Variants in UVRAG observed in about 807,000 individuals in gnomAD.
The protein encoded by UVRAG is UV radiation resistance-associated gene protein.
UVRAG carries 19 observed loss-of-function variants against 78.0 expected under a neutral mutation model. That is an observed-to-expected ratio of 0.24 (90% CI 0.17 to 0.36). The LOEUF (loss-of-function observed/expected upper bound fraction) is 0.36, where lower values mean the gene tolerates loss of function less well. Ranked by LOEUF, UVRAG falls within the 10% of genes least tolerant of loss-of-function variation. UVRAG has a pLI of 1.00. For synonymous variants in UVRAG, 323 were observed against 324.6 expected (o/e 1.00, Z 0.05); for missense variants, 740 against 853.8 (o/e 0.87, Z 1.66).
At chr11:75,949,714 T>TATATATATAC (rs59607906) in intron 6 of UVRAG, among the ~76,000 whole-genome samples, 1 of 136,870 alleles carries the variant, frequency 7.3e-6, no homozygotes, top group African/African-American at 2.9e-5. Flanking sequence ...TATATATATA[T>TATATATATAC]ACACACACAC....
chr11:75,918,193 C>T (rs1303553678), intron 6 of UVRAG, among the ~76,000 whole-genome samples: 1 of 144,038 alleles, frequency 6.9e-6, no homozygotes, highest in Non-Finnish European at 1.5e-5. Flanking sequence ...AGTGAAACCC[C>T]TTCTCTACTA....
intron 12 of UVRAG, among the ~76,000 whole-genome samples, chr11:76,056,038 C>A (rs957854570): frequency 3.3e-5 from 5 of 152,202 alleles, no homozygotes; most frequent in African/African-American, 1.2e-4. Flanking sequence ...ATGAACTATT[C>A]TGAGTTCCAT....
chr11:75,829,739 A>G (rs916334040), intron 1 of UVRAG, among the ~76,000 whole-genome samples: 1 of 152,270 alleles, frequency 6.6e-6, no homozygotes, highest in Non-Finnish European at 1.5e-5. Context: ...GTGCAGAAAC[A>G]GCCCTATACT....
At chr11:75,841,676 A>G (rs565840849) in intron 1 of UVRAG, among the ~76,000 whole-genome samples, 1 of 152,334 alleles carries the variant, frequency 6.6e-6, no homozygotes, top group Non-Finnish European at 1.5e-5. Flanking sequence ...ATGCTTGGTA[A>G]AATTTTATAT....
chr11:75,842,286 T>C (rs1231613047), intron 1 of UVRAG, among the ~76,000 whole-genome samples: 6 of 152,244 alleles, frequency 3.9e-5, no homozygotes, highest in East Asian at 1.9e-4. Flanking sequence ...ATGGGATGTA[T>C]TGGGGCAACC....
intron 12 of UVRAG, among the ~76,000 whole-genome samples, chr11:76,029,952 C>A (rs1950403159): frequency 6.6e-6 from 1 of 152,208 alleles, no homozygotes; most frequent in Non-Finnish European, 1.5e-5. Flanking sequence ...GTAGGCAAGA[C>A]CCTCCACCAG....
Position 75,852,525 on chromosome 11 carries a change from A to G in UVRAG, c.235+525A>G, listed in dbSNP as rs554924452. Among the ~76,000 whole-genome samples the G allele has an allele frequency of 7.9e-5, 12 of 152,284 alleles. No homozygotes were observed. The East Asian group carries it at 2.1e-3, about 27-fold the overall frequency. The stretch of plus-strand genomic sequence containing the variant: ...TTGATTAAAAATGGCAACCACCTTC[A>G]GAATGCATATTAGATGAGAGGCACT... On this transcript the variant is annotated intron_variant, in intron 2 of 14. Coordinates refer to ENST00000356136, the MANE Select transcript of UVRAG (RefSeq NM_003369.4).
chr11:75,877,866 A>C (rs1216408192), intron 3 of UVRAG, among the ~76,000 whole-genome samples: 25 of 85,708 alleles, frequency 2.9e-4, no homozygotes, highest in South Asian at 4.2e-4. Flanking sequence ...CGGGGGGCTG[A>C]CCCCCCCACC....
intron 12 of UVRAG, among the ~76,000 whole-genome samples, chr11:76,029,485 C>A (rs889042353): frequency 1.3e-5 from 2 of 152,086 alleles, no homozygotes; most frequent in African/African-American, 2.4e-5. Flanking sequence ...TCAGAATATT[C>A]ATGATTCATG....
At chr11:76,025,384 G>C (rs1284682253) in intron 12 of UVRAG, among the ~76,000 whole-genome samples, 2 of 152,310 alleles carry the variant, frequency 1.3e-5, no homozygotes, top group East Asian at 3.9e-4. Flanking sequence ...CCATGAGTTA[G>C]GACCTAGCTG....
intron 14 of UVRAG, among the ~76,000 whole-genome samples, chr11:76,132,981 G>A (rs182228014): frequency 6.6e-6 from 1 of 152,298 alleles, no homozygotes; most frequent in East Asian, 1.9e-4. Flanking sequence ...GTGGCTTCAT[G>A]ACCTTTGGTC....
chr11:75,845,148 A>G (rs1946007040), intron 1 of UVRAG, among the ~76,000 whole-genome samples: 1 of 152,114 alleles, frequency 6.6e-6, no homozygotes, highest in African/African-American at 2.4e-5. Context: ...ATAGGTTTTG[A>G]TTTTGTATGT....
chr11:76,079,769 C>A (rs1311078359), intron 13 of UVRAG, among the ~76,000 whole-genome samples: 1 of 152,132 alleles, frequency 6.6e-6, no homozygotes, highest in Non-Finnish European at 1.5e-5. Context: ...AGTAGTTCAT[C>A]TTGGGAACTC....
intron 7 of UVRAG, among the ~76,000 whole-genome samples, chr11:75,977,497 TG>T (rs1426797434): frequency 2.0e-5 from 3 of 152,178 alleles, no homozygotes; most frequent in Non-Finnish European, 4.4e-5. Flanking sequence ...TATTATTGTG[TG>T]GGACTCTAAG....
At chr11:75,918,210 CAAAAA>C (rs67178910) in intron 6 of UVRAG, among the ~76,000 whole-genome samples, 12 of 55,550 alleles carry the variant, frequency 2.2e-4, no homozygotes, top group African/African-American at 5.5e-4. Context: ...ACTAAAAATA[CAAAAA>C]AAAAAAAAAA....
At chr11:76,030,390 G>A (rs1317258731) in intron 12 of UVRAG, among the ~76,000 whole-genome samples, 1 of 152,156 alleles carries the variant, frequency 6.6e-6, no homozygotes, top group Non-Finnish European at 1.5e-5. Flanking sequence ...TCCAGTGTAT[G>A]TCTGTACTTC....
At chr11:76,062,590 A>G (rs1038024456) in intron 12 of UVRAG, among the ~76,000 whole-genome samples, 1 of 152,082 alleles carries the variant, frequency 6.6e-6, no homozygotes, top group African/African-American at 2.4e-5. Context: ...GGTTCCTTCA[A>G]CAATTTCTCT....
intron 6 of UVRAG, among the ~76,000 whole-genome samples, chr11:75,931,174 T>A (rs1200272644): frequency 6.6e-6 from 1 of 152,058 alleles, no homozygotes; most frequent in Non-Finnish European, 1.5e-5. Flanking sequence ...ATTTGTGTGA[T>A]CATTTTTTTC....
chr11:75,880,975 G>A (rs1323806360), intron 4 of UVRAG, among the ~76,000 whole-genome samples: 1 of 114,552 alleles, frequency 8.7e-6, no homozygotes, highest in Non-Finnish European at 1.7e-5. Flanking sequence ...ACAGGGTCTT[G>A]CCCTGGTGCC....
Sources: allele counts gnomAD v4.1 joint callset (sites outside exome capture counted in the v4.1 genomes callset), GRCh38; gene constraint gnomAD v4.1.1; transcripts MANE v1.5; gene names NCBI Gene and HGNC (gene_info 2026-07-23, HGNC 2026-07-21).